SYT16: variants seen among roughly 807,000 people sequenced by gnomAD.
SYT16 encodes the protein synaptotagmin 16, also known as synaptotagmin-16.
A neutral mutation model predicts 61.4 loss-of-function variants in SYT16; 42 were observed. The ratio of observed to expected loss-of-function variants is 0.68; its 90% CI spans 0.53 to 0.89. The LOEUF is 0.89. Among genes scored for constraint, SYT16 ranks in the 40% least tolerant of loss-of-function variants. The probability of loss-of-function intolerance (pLI) is 0.00; values close to 1 mark genes in which losing one functional copy is unlikely to be tolerated. For missense variants in SYT16, 804 were observed against 807.3 expected, an observed-to-expected ratio of 1.00 and a Z score of 0.05; for synonymous variants, 314 against 302.3, an observed-to-expected ratio of 1.04 and a Z score of -0.40.
At chr14:61,886,880 C>CTTTTTTTTTTTT (rs371140698) in intron 1 of SYT16, among the ~76,000 whole-genome samples, 2 of 110,832 alleles carry the variant, frequency 1.8e-5, no homozygotes, top group Admixed American at 9.8e-5. Flanking sequence ...TTTTTTTTGT[C>CTTTTTTTTTTTT]TTTTTTTTTT....
intron 1 of SYT16, among the ~76,000 whole-genome samples, chr14:61,874,098 A>G (rs2047413193): frequency 6.6e-6 from 1 of 152,234 alleles, no homozygotes; most frequent in Non-Finnish European, 1.5e-5. Flanking sequence ...AGAGCTGCTG[A>G]TGGCACCAGC....
intron 3 of SYT16, among the ~76,000 whole-genome samples, chr14:62,002,189 T>G (rs1031395014): frequency 4.6e-5 from 7 of 151,966 alleles, no homozygotes; most frequent in African/African-American, 7.2e-5. Context: ...ATTTTTTGCC[T>G]GGAAGTGAGC....
chr14:62,078,652 C>A (rs769006420), intron 5 of SYT16, among the ~76,000 whole-genome samples: 3 of 152,136 alleles, frequency 2.0e-5, no homozygotes, highest in Non-Finnish European at 4.4e-5. Context: ...GGCCACCACT[C>A]AGTATGGCTA....
chr14:61,859,009 T>C (rs59773953), intron 1 of SYT16, among the ~76,000 whole-genome samples: 23,804 of 150,114 alleles, frequency 0.16, 2,198 homozygotes, highest in African/African-American at 0.26. Flanking sequence ...CGCCCACCAC[T>C]ACGCCCGGCT....
chr14:61,881,184 C>T (rs190114764), intron 1 of SYT16, among the ~76,000 whole-genome samples: 58 of 152,290 alleles, frequency 3.8e-4, no homozygotes, highest in African/African-American at 1.3e-3. Context: ...CACTTTCTCC[C>T]TTTCTGCTGG....
At chr14:61,864,387 C>T (rs1447823261) in intron 1 of SYT16, among the ~76,000 whole-genome samples, 6 of 152,360 alleles carry the variant, frequency 3.9e-5, no homozygotes, top group Admixed American at 2.6e-4. Flanking sequence ...TGAGATTCTG[C>T]GCTCTAGCCG....
intron 1 of SYT16, among the ~76,000 whole-genome samples, chr14:61,845,998 AG>A (rs1282850532): frequency 6.6e-6 from 1 of 152,072 alleles, no homozygotes; most frequent in African/African-American, 2.4e-5. Flanking sequence ...AAATTCCTCT[AG>A]TTTTATTCCA....
In SYT16 at chr14:62,032,390, G is replaced by T. The variant is rs537470164; in HGVS notation, c.523+35848G>T. 2.0e-5 allele frequency among the ~76,000 whole-genome samples: 3 copies of T among 152,126 alleles called. No individual in the cohort carries two copies. In the South Asian group the frequency reaches 6.2e-4, roughly 32 times the overall value. On this transcript the variant is annotated intron_variant, in intron 3 of 7. Transcript: ENST00000683842. ...GAATAGTATACCATCCTAAAAGTCT[G>T]TTAGTCTATGACATTTAAAAGAATC...
At chr14:61,872,981 C>G (rs144606928) in intron 1 of SYT16, among the ~76,000 whole-genome samples, 1 of 152,188 alleles carries the variant, frequency 6.6e-6, no homozygotes, top group Non-Finnish European at 1.5e-5. Context: ...CATATTAAAA[C>G]GTTGTATTCA....
chr14:62,106,686 T>C lies in SYT16; in HGVS notation c.*5979T>C, dbSNP rs891374534. 7.2e-5 allele frequency: 11 copies of C among 152,194 alleles called. No homozygotes were observed. The highest frequency in any genetic ancestry group is 2.7e-4 in the African/African-American group (11 of 41,438). 9.4% of individuals were successfully genotyped at this position (152,194 alleles called of 1,614,324 possible). On this transcript the variant is annotated 3_prime_UTR_variant, in exon 8 of 8. Transcript: ENST00000683842. ...GAAGAGTTCCTATTTGGGTTTTGTT[T>C]AGGGCTTTGGGGATGCCTGCAGGCT...
At chr14:62,055,599 G>A (rs72718579) in intron 3 of SYT16, among the ~76,000 whole-genome samples, 9,705 of 152,084 alleles carry the variant, frequency 0.064, 370 homozygotes, top group Middle Eastern at 0.16. Flanking sequence ...TTGGTCTGGC[G>A]GGGAAAGAAA....
chr14:61,901,775 A>G (rs1441818559), intron 1 of SYT16, among the ~76,000 whole-genome samples: 1 of 149,254 alleles, frequency 6.7e-6, no homozygotes, highest in East Asian at 1.9e-4. Flanking sequence ...TATTATTATT[A>G]TTATTTTTTG....
At chr14:62,091,873 A>C (rs999160591) in intron 7 of SYT16, among the ~76,000 whole-genome samples, 2 of 152,202 alleles carry the variant, frequency 1.3e-5, no homozygotes, top group African/African-American at 4.8e-5. Flanking sequence ...TGTAAGTTCA[A>C]AAATTTTGTG....
intron 3 of SYT16, among the ~76,000 whole-genome samples, chr14:62,019,623 G>A (rs1303532329): frequency 6.6e-6 from 1 of 152,218 alleles, no homozygotes; most frequent in African/African-American, 2.4e-5. Context: ...GAAATGTGAA[G>A]TTTGGCCTAG....
At chr14:61,839,497 A>G (rs924692426) in intron 1 of SYT16, among the ~76,000 whole-genome samples, 1 of 152,342 alleles carries the variant, frequency 6.6e-6, no homozygotes, top group Non-Finnish European at 1.5e-5. Flanking sequence ...ATAAGTCAGG[A>G]GGTAACCTAT....
At chr14:62,073,611 C>T (rs558993245) in intron 4 of SYT16, among the ~76,000 whole-genome samples, 1 of 152,292 alleles carries the variant, frequency 6.6e-6, no homozygotes, top group South Asian at 2.1e-4. Flanking sequence ...GGAACTTTCT[C>T]AATGGCCTGC....
intron 1 of SYT16, among the ~76,000 whole-genome samples, chr14:61,817,255 A>G (rs1184242028): frequency 6.6e-6 from 1 of 151,622 alleles, no homozygotes; most frequent in Non-Finnish European, 1.5e-5. Flanking sequence ...TGTCTCTACT[A>G]AAAATACAAA....
chr14:62,072,620 G>T (rs1162132393), intron 4 of SYT16, among the ~76,000 whole-genome samples: 1 of 152,146 alleles, frequency 6.6e-6, no homozygotes, highest in Admixed American at 6.5e-5. Context: ...AATCTCCTTT[G>T]CTTAAAGTCA....
At chr14:61,944,945 C>A (rs930040504) in intron 1 of SYT16, among the ~76,000 whole-genome samples, 2 of 152,168 alleles carry the variant, frequency 1.3e-5, no homozygotes, top group African/African-American at 4.8e-5. Context: ...TCAGAGTGAA[C>A]AGGCAACCTA....
Sources: allele counts gnomAD v4.1 joint callset (sites outside exome capture counted in the v4.1 genomes callset), GRCh38; gene constraint gnomAD v4.1.1; transcripts MANE v1.5; gene names NCBI Gene and HGNC (gene_info 2026-07-23, HGNC 2026-07-21).